GSTCD: variants seen among roughly 807,000 people sequenced by gnomAD.
GSTCD encodes glutathione S-transferase C-terminal domain-containing protein.
GSTCD carries 44 observed loss-of-function variants against 68.3 expected under a neutral mutation model. The observed-to-expected ratio is 0.64, with a 90% CI of 0.51 to 0.83. The LOEUF (loss-of-function observed/expected upper bound fraction) is 0.83, where lower values mean the gene tolerates loss of function less well. Ranked by LOEUF, GSTCD falls within the 40% of genes least tolerant of loss-of-function variation. The probability of loss-of-function intolerance (pLI) is 0.00; values close to 1 mark genes in which losing one functional copy is unlikely to be tolerated. For synonymous variants in GSTCD, 273 were observed against 255.2 expected, an observed-to-expected ratio of 1.07 and a Z score of -0.67; for missense variants, 739 against 735.9, an observed-to-expected ratio of 1.00 and a Z score of -0.05.
chr4:105,829,493 A>G (rs1294260320), intron 8 of GSTCD, among the ~76,000 whole-genome samples: 2 of 152,216 alleles, frequency 1.3e-5, no homozygotes, highest in African/African-American at 4.8e-5. Flanking sequence ...GAGGCCTCAC[A>G]ATCATGGAGG....
At chr4:105,744,804 AT>A (rs1370056992) in intron 5 of GSTCD, among the ~76,000 whole-genome samples, 7 of 152,188 alleles carry the variant, frequency 4.6e-5, no homozygotes, top group Non-Finnish European at 1.0e-4. Flanking sequence ...AGAAATTAAG[AT>A]TAGAGCAGTA....
intron 5 of GSTCD, among the ~76,000 whole-genome samples, chr4:105,765,220 A>G (rs1429361772): frequency 1.3e-5 from 2 of 152,166 alleles, no homozygotes; most frequent in Non-Finnish European, 2.9e-5. Context: ...ATGACCCACT[A>G]AATTGACTCA....
chr4:105,767,429 G>A (rs536057868), intron 5 of GSTCD, among the ~76,000 whole-genome samples: 3 of 151,874 alleles, frequency 2.0e-5, no homozygotes, highest in Non-Finnish European at 4.4e-5. Context: ...CATTAGAATC[G>A]TTTCATTAAA....
chr4:105,811,537 G>T (rs1396867177), intron 5 of GSTCD, among the ~76,000 whole-genome samples: 3 of 114,852 alleles, frequency 2.6e-5, no homozygotes, highest in East Asian at 6.5e-4. Context: ...GTTGTGGGGT[G>T]GGGGGAGGGG....
chr4:105,836,309 G>A (rs897753225), intron 9 of GSTCD, among the ~76,000 whole-genome samples: 34 of 152,224 alleles, frequency 2.2e-4, no homozygotes, highest in Admixed American at 2.2e-3. Flanking sequence ...AGGGAAGGAA[G>A]TGCATGCGAT....
intron 5 of GSTCD, among the ~76,000 whole-genome samples, chr4:105,735,359 C>G (rs1315712578): frequency 6.6e-6 from 1 of 152,234 alleles, no homozygotes; most frequent in Non-Finnish European, 1.5e-5. Flanking sequence ...TTTACCTACT[C>G]AAGCCTCAGC....
intron 3 of GSTCD, among the ~76,000 whole-genome samples, chr4:105,725,182 T>C (rs1032824563): frequency 2.0e-5 from 3 of 152,152 alleles, no homozygotes; most frequent in African/African-American, 7.2e-5. Context: ...TATTGTATTC[T>C]TCTTTTTCTA....
At chr4:105,735,794 T>C (rs943718584) in intron 5 of GSTCD, among the ~76,000 whole-genome samples, 2 of 152,102 alleles carry the variant, frequency 1.3e-5, no homozygotes, top group Non-Finnish European at 2.9e-5. Context: ...AGCTGTAGAC[T>C]GAAGCTGTTC....
Position 105,845,780 on chromosome 4 carries a change from C to T in GSTCD, c.*203C>T. The T allele has an allele frequency of 1.8e-6, 1 of 548,858 alleles. No homozygotes were observed. Among genetic ancestry groups the T allele is most frequent in the Non-Finnish European group, 3.2e-6 (1 of 308,796 alleles). The allele number at this position is 548,858 out of a possible 1,614,324, so 34.0% of individuals were successfully genotyped here. ...TGCTTTACAATGTGTGATTAAAGGACTGCTGGTTTTTATAGTGAGAATCCC... is the reference window on the plus strand; with the variant it reads ...TGCTTTACAATGTGTGATTAAAGGATTGCTGGTTTTTATAGTGAGAATCCC... On this transcript the variant is annotated 3_prime_UTR_variant, in exon 12 of 12. Coordinates refer to ENST00000515279, the MANE Select transcript of GSTCD (RefSeq NM_001370181.1).
intron 5 of GSTCD, among the ~76,000 whole-genome samples, chr4:105,745,048 C>T (rs984547958): frequency 1.3e-5 from 2 of 152,118 alleles, no homozygotes; most frequent in African/African-American, 4.8e-5. Context: ...TCAAATCTAA[C>T]AATACAGGAT....
chr4:105,765,894 G>T (rs937928481), intron 5 of GSTCD, among the ~76,000 whole-genome samples: 1 of 152,114 alleles, frequency 6.6e-6, no homozygotes, highest in East Asian at 1.9e-4. Flanking sequence ...CGCCAGGATT[G>T]TAAGTTTCCT....
At chr4:105,716,333 C>T (rs1429700663) in intron 1 of GSTCD, among the ~76,000 whole-genome samples, 2 of 151,836 alleles carry the variant, frequency 1.3e-5, no homozygotes. Context: ...TAAATAAATA[C>T]CTGAAGGAAG....
chr4:105,729,475 C>A lies in GSTCD; in HGVS notation c.1216C>A (p.Pro406Thr). Residue 406 changes from proline (P) to threonine (T), a missense_variant, in exon 5 of 12, where the codon CCT (proline) becomes ACT (threonine). Transcript: ENST00000515279. ...TTGGACTCTTGATTGGAATGTTCTCCCTGCAGCAGTCAGCCCAAAGGAAGG... is the reference window on the plus strand; with the variant it reads ...TTGGACTCTTGATTGGAATGTTCTCACTGCAGCAGTCAGCCCAAAGGAAGG... The part of the protein sequence containing the change: ...PTWTLDWNVL[P>T]AAVSPKEGKM... The A allele has an allele frequency of 6.2e-7, 1 of 1,611,458 alleles. No individual in the cohort carries two copies. Among genetic ancestry groups the A allele is most frequent in the Non-Finnish European group, 8.5e-7 (1 of 1,178,386 alleles).
At chr4:105,814,543 C>T (rs998680850) in intron 5 of GSTCD, among the ~76,000 whole-genome samples, 1 of 152,048 alleles carries the variant, frequency 6.6e-6, no homozygotes, top group African/African-American at 2.4e-5. Context: ...ACCCTGGAGG[C>T]AGAGGTTGCA....
At chr4:105,724,605 AC>A (rs147492046) in intron 3 of GSTCD, among the ~76,000 whole-genome samples, 7,174 of 151,922 alleles carry the variant, frequency 0.047, 513 homozygotes, top group African/African-American at 0.15. Context: ...GTTCACACAT[AC>A]AGAGAAGGTA....
At chr4:105,743,653 CTTTTTTTTTTTTTTTTT>C (rs777714268) in intron 5 of GSTCD, among the ~76,000 whole-genome samples, 2 of 88,848 alleles carry the variant, frequency 2.3e-5, no homozygotes, top group Admixed American at 2.4e-4. Context: ...ACAGGACATT[CTTTTTTTTTTTTTTTTT>C]TTTTTTTTTA....
At chr4:105,756,344 A>T (rs868140884) in intron 5 of GSTCD, among the ~76,000 whole-genome samples, 2 of 152,014 alleles carry the variant, frequency 1.3e-5, no homozygotes, top group South Asian at 4.2e-4. Flanking sequence ...CTCAGATTAT[A>T]ATCATGTCTT....
intron 5 of GSTCD, chr4:105,761,826 A>G (rs1005538275): frequency 3.3e-5 from 5 of 152,326 alleles, no homozygotes; most frequent in African/African-American, 9.6e-5. Flanking sequence ...TCGAAGCCAC[A>G]TTTTTGTGTC....
intron 5 of GSTCD, among the ~76,000 whole-genome samples, chr4:105,792,994 T>C (rs989187438): frequency 2.6e-5 from 4 of 152,068 alleles, no homozygotes; most frequent in African/African-American, 9.7e-5. Flanking sequence ...TTGATTTCAA[T>C]TGTGTAATAA....
Sources: gnomAD v4.1 joint callset for allele counts (sites outside exome capture counted in the v4.1 genomes callset) on GRCh38, gnomAD v4.1.1 for gene constraint, MANE v1.5 for transcripts, NCBI Gene and HGNC (gene_info 2026-07-23, HGNC 2026-07-21) for gene names.